CPQ: variants seen among roughly 807,000 people sequenced by gnomAD.
The protein encoded by CPQ is Ser-Met dipeptidase.
CPQ carries 37 observed loss-of-function variants against 45.7 expected under a neutral mutation model. The observed-to-expected ratio is 0.81, with a 90% CI of 0.62 to 1.07. CPQ has a LOEUF of 1.07. Among genes scored for constraint, CPQ ranks in the 50% least tolerant of loss-of-function variants. The probability of loss-of-function intolerance (pLI) is 0.00; values close to 1 mark genes in which losing one functional copy is unlikely to be tolerated. For synonymous variants in CPQ, 186 were observed against 205.8 expected (o/e 0.90, Z 0.82); for missense variants, 537 against 572.9 (o/e 0.94, Z 0.64).
rs146718357 is a variant in CPQ at position 97,038,256 on chromosome 8, G to A, written c.1053+8762G>A. Reference sequence around the variant, plus strand: ...TTGTGCCAAAACTTTGAGGTTTCTTGTCAATTATTTGGCTGGCATTTATTC... The same window carrying A: ...TTGTGCCAAAACTTTGAGGTTTCTTATCAATTATTTGGCTGGCATTTATTC... On this transcript the variant is annotated intron_variant, in intron 6 of 7. Transcript: ENST00000220763. 5.9e-5 allele frequency among the ~76,000 whole-genome samples: 9 copies of A among 152,306 alleles called. No individual in the cohort carries two copies. In the East Asian group the frequency reaches 1.2e-3, roughly 20 times the overall value.
At chr8:96,876,525 C>A (rs1462556183) in intron 3 of CPQ, among the ~76,000 whole-genome samples, 1 of 152,066 alleles carries the variant, frequency 6.6e-6, no homozygotes, top group Non-Finnish European at 1.5e-5. Flanking sequence ...AGGGGAAAAG[C>A]ATTCATTCTT....
chr8:97,131,871 G>A (rs1188996665), intron 7 of CPQ, among the ~76,000 whole-genome samples: 2 of 152,132 alleles, frequency 1.3e-5, no homozygotes, highest in South Asian at 2.1e-4. Context: ...ATACCAGTCC[G>A]TAAGTGGATC....
chr8:97,005,945 A>G (rs889303134), intron 5 of CPQ, among the ~76,000 whole-genome samples: 4 of 152,190 alleles, frequency 2.6e-5, no homozygotes, highest in African/African-American at 9.6e-5. Flanking sequence ...TGCCTATTTT[A>G]TATGCTCCAT....
intron 1 of CPQ, among the ~76,000 whole-genome samples, chr8:96,654,934 C>CTT (rs373691319): frequency 1.7e-4 from 24 of 140,938 alleles, no homozygotes; most frequent in Non-Finnish European, 2.8e-4. Context: ...TCCTTTGTGG[C>CTT]TTTTTTTTTT....
intron 4 of CPQ, among the ~76,000 whole-genome samples, chr8:96,886,477 T>A (rs1432709178): frequency 5.3e-5 from 8 of 152,236 alleles, no homozygotes; most frequent in Non-Finnish European, 1.5e-5. Flanking sequence ...CTTCTTACCA[T>A]CTGTGAATAG....
intron 5 of CPQ, among the ~76,000 whole-genome samples, chr8:96,976,215 A>C (rs1372772654): frequency 1.4e-5 from 2 of 147,562 alleles, no homozygotes; most frequent in African/African-American, 5.0e-5. Flanking sequence ...TGAGAATCAA[A>C]TTAAGAACTC....
intron 7 of CPQ, among the ~76,000 whole-genome samples, chr8:97,129,323 C>G (rs1811898802): frequency 1.3e-5 from 2 of 152,070 alleles, no homozygotes; most frequent in African/African-American, 4.8e-5. Flanking sequence ...AATTCAGCAC[C>G]AAGTAAAACG....
chr8:96,856,162 A>T (rs1394521615), intron 3 of CPQ, among the ~76,000 whole-genome samples: 2 of 152,328 alleles, frequency 1.3e-5, no homozygotes, highest in Non-Finnish European at 1.5e-5. Context: ...CAGAGGAGTG[A>T]TATGATCTAA....
intron 3 of CPQ, among the ~76,000 whole-genome samples, chr8:96,876,461 TA>T (rs1385918071): frequency 1.3e-5 from 2 of 152,122 alleles, no homozygotes; most frequent in Admixed American, 1.3e-4. Flanking sequence ...GAATCTCCAG[TA>T]AAATGTTTAA....
intron 3 of CPQ, among the ~76,000 whole-genome samples, chr8:96,858,039 C>CA (rs1482514165): frequency 6.6e-6 from 1 of 152,156 alleles, no homozygotes; most frequent in Non-Finnish European, 1.5e-5. Context: ...TGTATGGCCA[C>CA]TCTCCTAAGA....
chr8:96,834,670 G>A (rs981033828), intron 2 of CPQ, among the ~76,000 whole-genome samples: 4 of 152,154 alleles, frequency 2.6e-5, no homozygotes, highest in African/African-American at 9.7e-5. Context: ...TGACTTCTGA[G>A]GGTGGGAAAG....
intron 2 of CPQ, among the ~76,000 whole-genome samples, chr8:96,802,270 CT>C (rs1008390163): frequency 1.3e-5 from 2 of 151,892 alleles, no homozygotes; most frequent in Non-Finnish European, 2.9e-5. Flanking sequence ...GAGCTTCTAT[CT>C]TTTTTTTGAG....
chr8:96,900,800 C>T (rs1340050480), intron 4 of CPQ, among the ~76,000 whole-genome samples: 4 of 152,158 alleles, frequency 2.6e-5, no homozygotes, highest in African/African-American at 7.2e-5. Context: ...CTGACACATA[C>T]TACTCATTTA....
At chr8:96,826,092 G>A (rs1304878336) in intron 2 of CPQ, among the ~76,000 whole-genome samples, 1 of 152,056 alleles carries the variant, frequency 6.6e-6, no homozygotes, top group African/African-American at 2.4e-5. Context: ...GCTAACCAAA[G>A]CTGCCAATAC....
intron 3 of CPQ, among the ~76,000 whole-genome samples, chr8:96,861,709 C>T (rs994078158): frequency 2.0e-5 from 3 of 151,952 alleles, no homozygotes; most frequent in Non-Finnish European, 4.4e-5. Context: ...ATAATTACTC[C>T]GATTATCTGG....
chr8:96,841,121 CAGG>C (rs1247575492), intron 3 of CPQ, among the ~76,000 whole-genome samples: 2 of 151,986 alleles, frequency 1.3e-5, no homozygotes, highest in East Asian at 3.9e-4. Flanking sequence ...AGCTTGGGGA[CAGG>C]AGAATAAGAA....
rs373705065 is a variant in CPQ, at chr8:96,899,495, A to G, written c.849+19490A>G. Among the ~76,000 whole-genome samples the G allele has an allele frequency of 3.9e-5, 6 of 152,168 alleles. No homozygotes were observed. The East Asian group carries it at 1.2e-3, about 29-fold the overall frequency. ...TGACTCTGGAGGCTTTATAGGAAGCATGGTGCTGACATCTGCTCGGCTTCT... is the reference window on the plus strand; with the variant it reads ...TGACTCTGGAGGCTTTATAGGAAGCGTGGTGCTGACATCTGCTCGGCTTCT... On this transcript the variant is annotated intron_variant, in intron 4 of 7. Transcript: ENST00000220763.
chr8:97,036,801 A>T (rs907311851), intron 6 of CPQ, among the ~76,000 whole-genome samples: 2 of 152,244 alleles, frequency 1.3e-5, no homozygotes, highest in Admixed American at 1.3e-4. Flanking sequence ...TACACAAGGT[A>T]ATCAAATAAA....
intron 1 of CPQ, among the ~76,000 whole-genome samples, chr8:96,668,211 TATTC>T (rs899995899): frequency 6.6e-6 from 1 of 152,196 alleles, no homozygotes; most frequent in African/African-American, 2.4e-5. Flanking sequence ...GCTGAATAAA[TATTC>T]ATTTGTTCAT....
Sources: gnomAD v4.1 joint callset for allele counts (sites outside exome capture counted in the v4.1 genomes callset) on GRCh38, gnomAD v4.1.1 for gene constraint, MANE v1.5 for transcripts, NCBI Gene and HGNC (gene_info 2026-07-23, HGNC 2026-07-21) for gene names.